The following SFI1 variants were observed in gnomAD, a reference collection of about 807,000 sequenced individuals.
SFI1 encodes the protein protein SFI1 homolog.
A neutral mutation model predicts 207.5 loss-of-function variants in SFI1; 195 were observed. That is an observed-to-expected ratio of 0.94 (90% CI 0.84 to 1.06). SFI1 has a LOEUF of 1.06. SFI1 is among the 50% of genes least tolerant of loss of function. SFI1 has a pLI of 0.00. For missense variants in SFI1, 1,634 were observed against 1,588.0 expected (o/e 1.03, Z -0.49); for synonymous variants, 630 against 598.9 (o/e 1.05, Z -0.76).
intron 15 of SFI1, among the ~76,000 whole-genome samples, chr22:31,593,033 G>A (rs1395813852): frequency 2.2e-5 from 3 of 136,704 alleles, no homozygotes; most frequent in African/African-American, 8.7e-5. Flanking sequence ...CAGGTGGGGG[G>A]CTGACCCCCC....
At chr22:31,552,671 C>T (rs1569290289) in intron 6 of SFI1, among the ~76,000 whole-genome samples, 1 of 152,136 alleles carries the variant, frequency 6.6e-6, no homozygotes. Flanking sequence ...AATAATTTCT[C>T]TTCGTTTGGG....
intron 10 of SFI1, among the ~76,000 whole-genome samples, chr22:31,577,417 T>C (rs2063640721): frequency 6.6e-6 from 1 of 152,114 alleles, no homozygotes; most frequent in African/African-American, 2.4e-5. Context: ...TTTAAAAATT[T>C]AGAGACAGGG....
At chr22:31,534,972 C>T (rs972116050) in intron 4 of SFI1, among the ~76,000 whole-genome samples, 8 of 150,686 alleles carry the variant, frequency 5.3e-5, no homozygotes, top group Non-Finnish European at 1.2e-4. Context: ...CTCCTGAGTT[C>T]AAGCAATTCT....
intron 6 of SFI1, among the ~76,000 whole-genome samples, chr22:31,552,131 T>C (rs542869940): frequency 3.9e-5 from 6 of 152,328 alleles, no homozygotes; most frequent in Non-Finnish European, 8.8e-5. Context: ...ATATGTGGTA[T>C]TTGATTTTCT....
At chr22:31,553,393 T>C (rs1309933020) in intron 6 of SFI1, among the ~76,000 whole-genome samples, 1 of 152,060 alleles carries the variant, frequency 6.6e-6, no homozygotes, top group Non-Finnish European at 1.5e-5. Context: ...AATCTCACTC[T>C]TGCCCAGGCT....
At chr22:31,550,191 G>A in intron 5 of SFI1, 63 bp from the exon 6 acceptor site, 1 of 1,340,682 alleles carries the variant, frequency 7.5e-7, no homozygotes, top group Admixed American at 1.8e-5. Context: ...GGTTACAGGT[G>A]TGAGCCACCG....
At chr22:31,545,013 C>T (rs376991498) in intron 4 of SFI1, among the ~76,000 whole-genome samples, 2 of 152,076 alleles carry the variant, frequency 1.3e-5, no homozygotes, top group Non-Finnish European at 2.9e-5. Context: ...GATCCTCCCA[C>T]GTAAGCCTCT....
intron 2 of SFI1, among the ~76,000 whole-genome samples, chr22:31,519,746 T>A (rs1479439879): frequency 6.6e-6 from 1 of 151,928 alleles, no homozygotes; most frequent in African/African-American, 2.4e-5. Context: ...CCTAATTTTT[T>A]AATTTTTTGT....
At chr22:31,561,430 A>G (rs1210548644) in intron 8 of SFI1, 38 bp downstream of exon 8, 3 of 1,561,294 alleles carry the variant, frequency 1.9e-6, no homozygotes, top group South Asian at 1.1e-5. Context: ...ATCCTCTGTC[A>G]GTGTTGTCAA....
chr22:31,587,947 T>G (rs1016709511), intron 14 of SFI1: 3 of 152,090 alleles, frequency 2.0e-5, no homozygotes, highest in Non-Finnish European at 2.9e-5. Flanking sequence ...TGGGTAGGAG[T>G]GTATGTACCT....
chr22:31,603,806 G>GC lies in SFI1; in HGVS notation c.1870dup (p.Gln624ProfsTer78). 1 of 1,569,600 alleles carries GC rather than the reference G, an allele frequency of 6.4e-7. No homozygotes were observed. ...GCCCAGCTCCTGCGTTGGGCCTGGA[G>GC]CCAGTGGAGGGAGGTAAGGCTTTGG... On this transcript the variant is annotated frameshift_variant, in exon 18 of 33. Transcript: ENST00000400288. LOFTEE classifies it high-confidence loss of function.
Position 31,589,681 on chromosome 22 carries a change from C to T in SFI1, c.1544+104C>T. On this transcript the variant is annotated intron_variant, in intron 15 of 32. Coordinates refer to ENST00000400288, the MANE Select transcript of SFI1 (RefSeq NM_001007467.3). ...GCTTTTCAGCTTCCCAGACCCCAGG[C>T]CCTAGTACTTCCTGGATTTTCAGTA... The T allele has an allele frequency of 3.2e-6, 4 of 1,252,690 alleles. No individual in the cohort carries two copies. In the South Asian group the frequency reaches 5.4e-5, roughly 17 times the overall value. 77.6% of individuals were successfully genotyped at this position (1,252,690 alleles called of 1,614,324 possible).
intron 7 of SFI1, among the ~76,000 whole-genome samples, chr22:31,558,818 CATTT>C (rs1057044561): frequency 2.0e-4 from 31 of 151,550 alleles, no homozygotes; most frequent in Admixed American, 7.9e-4. Flanking sequence ...ACTCAACGTA[CATTT>C]ATTTATTTAT....
In SFI1 at chr22:31,614,773, C is replaced by T. The variant is rs759885637; in HGVS notation, c.2997-16C>T. ...CCTGGTCAGCCCAGGGGAACAGACC[C>T]CATGTTTCTTTCCAGCAACACTGCC... is the stretch of plus-strand genomic sequence containing the variant. On this transcript the variant is annotated splice_polypyrimidine_tract_variant and intron_variant, in intron 27 of 32. Coordinates refer to ENST00000400288, the MANE Select transcript of SFI1 (RefSeq NM_001007467.3). 2.7e-5 allele frequency: 43 copies of T among 1,613,604 alleles called. No individual in the cohort carries two copies. The African/African-American group carries it at 4.8e-4, about 18-fold the overall frequency.
chr22:31,593,936 T>C (rs2066594686), intron 15 of SFI1, among the ~76,000 whole-genome samples: 1 of 133,966 alleles, frequency 7.5e-6, no homozygotes, highest in African/African-American at 2.7e-5. Flanking sequence ...ATGGCAGCAG[T>C]ACAGTCCAGC....
chr22:31,554,214 C>T (rs2060938105), intron 6 of SFI1, among the ~76,000 whole-genome samples: 1 of 152,100 alleles, frequency 6.6e-6, no homozygotes, highest in Non-Finnish European at 1.5e-5. Flanking sequence ...CAAAGATTTC[C>T]TCTTATGTTT....
intron 14 of SFI1, among the ~76,000 whole-genome samples, chr22:31,586,242 C>G (rs1270387370): frequency 2.0e-5 from 3 of 152,116 alleles, no homozygotes; most frequent in African/African-American, 4.8e-5. Context: ...CCTCCTCCCC[C>G]AGGCCAGTCC....
upstream of SFI1, chr22:31,496,531 G>C (rs967991711): frequency 6.6e-6 from 1 of 152,286 alleles, no homozygotes; most frequent in Non-Finnish European, 1.5e-5. Context: ...GGCGCGCGAA[G>C]CGCTGAGGCG....
intron 18 of SFI1, 98 bp downstream of exon 18, chr22:31,603,917 A>G (rs1655791334): frequency 6.4e-6 from 7 of 1,099,542 alleles, no homozygotes; most frequent in East Asian, 2.8e-5. Flanking sequence ...CACACCACCT[A>G]CCTCTGAGCT....
Sources: allele counts gnomAD v4.1 joint callset (sites outside exome capture counted in the v4.1 genomes callset), GRCh38; gene constraint gnomAD v4.1.1; transcripts MANE v1.5; gene names NCBI Gene and HGNC (gene_info 2026-07-23, HGNC 2026-07-21).